Variants in TRIM2 observed in about 807,000 individuals in gnomAD.
TRIM2 encodes the protein tripartite motif containing 2, also known as tripartite motif-containing protein 2.
TRIM2 carries 20 observed loss-of-function variants against 75.2 expected under a neutral mutation model. The observed-to-expected ratio is 0.27, with a 90% CI of 0.19 to 0.39. The LOEUF (loss-of-function observed/expected upper bound fraction) is 0.39. Ranked by LOEUF, TRIM2 falls within the 10% of genes least tolerant of loss-of-function variation. The pLI is 1.00. For missense variants in TRIM2, 660 were observed against 990.8 expected (o/e 0.67, Z 4.48); for synonymous variants, 373 against 388.3 (o/e 0.96, Z 0.46).
At chr4:153,315,809 A>T (rs1406333615) in intron 7 of TRIM2, 23 bp from the exon 8 acceptor site, 2 of 1,612,974 alleles carry the variant, frequency 1.2e-6, no homozygotes, top group African/African-American at 1.3e-5. Flanking sequence ...TTCACATTCC[A>T]ATGAATGTAA....
At position 153,295,103 on chromosome 4, in the gene TRIM2, G is replaced by C. The variant is rs753796380; in HGVS notation, c.787-210G>C. Among the ~76,000 whole-genome samples, 11 of 152,226 alleles carry C rather than the reference G, an allele frequency of 7.2e-5. No homozygotes were observed. Among genetic ancestry groups the C allele is most frequent in the Non-Finnish European group, 1.2e-4 (8 of 68,044 alleles). ...CAAGAAATACATGTGTGGAAGAGAGGGCGAGGCGGAAGGGAAACCTCGAAA... is the reference window on the plus strand; with the variant it reads ...CAAGAAATACATGTGTGGAAGAGAGCGCGAGGCGGAAGGGAAACCTCGAAA... On this transcript the variant is annotated intron_variant, in intron 5 of 11. Coordinates refer to ENST00000338700, the MANE Select transcript of TRIM2 (RefSeq NM_015271.5). The surrounding 1 kb of genome is among the most constrained non-coding windows in gnomAD (Gnocchi z 7.2).
At chr4:153,189,803 T>C (rs1018017146) in intron 1 of TRIM2, among the ~76,000 whole-genome samples, 15 of 152,252 alleles carry the variant, frequency 9.9e-5, no homozygotes, top group African/African-American at 3.6e-4. Context: ...AGATTTATCA[T>C]TTCTATTGTT....
chr4:153,318,026 A>T (rs1162255970), intron 8 of TRIM2, among the ~76,000 whole-genome samples: 1 of 152,270 alleles, frequency 6.6e-6, no homozygotes, highest in Non-Finnish European at 1.5e-5. Context: ...TGTGCCACAT[A>T]CAAAATAAGG....
chr4:153,315,394 G>A (rs1767371739), intron 6 of TRIM2, 91 bp from the exon 7 acceptor site: 1 of 1,030,032 alleles, frequency 9.7e-7, no homozygotes, highest in African/African-American at 1.6e-5. Flanking sequence ...GCATTCTCAG[G>A]TACCTGTGGA....
chr4:153,229,899 G>A (rs1207946342), intron 1 of TRIM2, among the ~76,000 whole-genome samples: 16 of 152,132 alleles, frequency 1.1e-4, no homozygotes, highest in Non-Finnish European at 1.5e-5. Context: ...CAAGTCCCTT[G>A]GATAAATGCA....
chr4:153,293,622 A>G (rs966480270), intron 4 of TRIM2, among the ~76,000 whole-genome samples: 2 of 152,208 alleles, frequency 1.3e-5, no homozygotes, highest in Non-Finnish European at 2.9e-5. Flanking sequence ...GAAAGAACAG[A>G]GTAGCTGAGT....
intron 8 of TRIM2, among the ~76,000 whole-genome samples, chr4:153,317,505 C>T (rs1201577396): frequency 2.0e-5 from 3 of 151,598 alleles, no homozygotes; most frequent in Non-Finnish European, 4.4e-5. Context: ...AAAAATTAGC[C>T]GGCCGTGGTG....
intron 6 of TRIM2, among the ~76,000 whole-genome samples, chr4:153,300,681 C>T (rs1763708118): frequency 2.0e-5 from 3 of 151,980 alleles, no homozygotes; most frequent in Non-Finnish European, 4.4e-5. Flanking sequence ...CGCACTAGCA[C>T]ACCCAGCTAA....
chr4:153,238,733 G>C (rs4696444), intron 1 of TRIM2, among the ~76,000 whole-genome samples: 32,341 of 152,114 alleles, frequency 0.21, 4,089 homozygotes, highest in African/African-American at 0.35. Flanking sequence ...CACTAGACCT[G>C]CTGTGCTTAA....
At chr4:153,327,194 T>A (rs1311254844) in intron 10 of TRIM2, among the ~76,000 whole-genome samples, 6 of 152,206 alleles carry the variant, frequency 3.9e-5, no homozygotes, top group African/African-American at 1.4e-4. Flanking sequence ...CTTGCCCTGG[T>A]CCTTTCTAAA....
Position 153,197,937 on chromosome 4 carries a change from C to T in TRIM2, c.-49+44667C>T, listed in dbSNP as rs1010240039. Among the ~76,000 whole-genome samples, 12 of 152,176 alleles carry T rather than the reference C, an allele frequency of 7.9e-5. No homozygotes were observed. The South Asian group carries it at 8.3e-4, about 11-fold the overall frequency. ...TTTTGCCCCTTCTACCTTGTGAGGG[C>T]GGCAAAAAGACAGCTGCCTCTTAAT... On this transcript the variant is annotated intron_variant, in intron 1 of 11. Transcript: ENST00000437508.
At chr4:153,257,615 A>G in intron 1 of TRIM2, 1 of 1,286,392 alleles carries the variant, frequency 7.8e-7, no homozygotes, top group Non-Finnish European at 1.0e-6. Flanking sequence ...ATGGTAGGGA[A>G]TTTTAACCAG....
intron 1 of TRIM2, among the ~76,000 whole-genome samples, chr4:153,183,912 C>T (rs1313813718): frequency 6.6e-6 from 1 of 152,144 alleles, no homozygotes; most frequent in Non-Finnish European, 1.5e-5. Context: ...GGGTAAGTGT[C>T]TTAACTTTTC....
intron 1 of TRIM2, among the ~76,000 whole-genome samples, chr4:153,190,778 C>T (rs971170028): frequency 2.6e-5 from 4 of 152,054 alleles, no homozygotes; most frequent in Admixed American, 1.3e-4. Context: ...CACTCTGTTG[C>T]CCAGGCTAGA....
chr4:153,234,255 T>C (rs1744423497), intron 1 of TRIM2, among the ~76,000 whole-genome samples: 1 of 152,178 alleles, frequency 6.6e-6, no homozygotes, highest in South Asian at 2.1e-4. Flanking sequence ...CTCCTTGACA[T>C]CTATGATGTT....
intron 1 of TRIM2, among the ~76,000 whole-genome samples, chr4:153,181,105 T>C (rs1732014499): frequency 1.3e-5 from 2 of 152,312 alleles, no homozygotes; most frequent in African/African-American, 2.4e-5. Flanking sequence ...GAGAGAACTC[T>C]CACAGGATGA....
chr4:153,247,742 C>T (rs1204374639), intron 1 of TRIM2, among the ~76,000 whole-genome samples: 3 of 149,544 alleles, frequency 2.0e-5, no homozygotes, highest in Non-Finnish European at 3.0e-5. Flanking sequence ...TGATTCTGCT[C>T]GCTATCATTT....
chr4:153,220,026 T>C (rs1377840589), intron 1 of TRIM2, among the ~76,000 whole-genome samples: 2 of 152,190 alleles, frequency 1.3e-5, no homozygotes, highest in Admixed American at 6.5e-5. Context: ...AGGACGTTGA[T>C]CTCATAAGAT....
chr4:153,221,808 AAGGGAGGGAGGG>A (rs147852477), intron 1 of TRIM2, among the ~76,000 whole-genome samples: 2 of 100,182 alleles, frequency 2.0e-5, no homozygotes, highest in Admixed American at 1.2e-4. Context: ...GCGAGGAAGG[AAGGGAGGGAGGG>A]AGGAAATGAA....
Sources: gnomAD v4.1 joint callset for allele counts (sites outside exome capture counted in the v4.1 genomes callset) on GRCh38, gnomAD v4.1.1 for gene constraint, Gnocchi (gnomAD v3.1) non-coding constraint, MANE v1.5 for transcripts, NCBI Gene and HGNC (gene_info 2026-07-23, HGNC 2026-07-21) for gene names.